The following OPCML variants were observed in gnomAD, a reference collection of about 807,000 sequenced individuals.
OPCML encodes the protein opioid binding protein/cell adhesion molecule like.
Under a neutral mutation model 37.8 loss-of-function variants are expected in OPCML, and 13 were observed. That is an observed-to-expected ratio of 0.34 (90% CI 0.22 to 0.55). The LOEUF (loss-of-function observed/expected upper bound fraction) is 0.55, where lower values mean the gene tolerates loss of function less well. OPCML is among the 20% of genes least tolerant of loss of function. OPCML has a pLI of 0.91. For missense variants in OPCML, 341 were observed against 435.6 expected, an observed-to-expected ratio of 0.78 and a Z score of 1.93; for synonymous variants, 176 against 168.8, an observed-to-expected ratio of 1.04 and a Z score of -0.33.
intron 2 of OPCML, among the ~76,000 whole-genome samples, chr11:132,854,699 A>G (rs1291479065): frequency 6.6e-6 from 1 of 152,262 alleles, no homozygotes. Flanking sequence ...TAATGCGGAT[A>G]TGCCGCATTT....
Position 133,140,931 on chromosome 11 carries a change from CGAAGAA to C in OPCML, c.62-197927_62-197922del, listed in dbSNP as rs1200737192. On this transcript the variant is annotated intron_variant, in intron 1 of 7. Coordinates refer to ENST00000524381, the MANE Select transcript of OPCML (RefSeq NM_001012393.5). ...ACGAAGAAGAAGAAGACGACGACGACGAAGAAGAAGAAGACGACGAAGAAGAAGAAG... is the reference window on the plus strand; with the variant it reads ...ACGAAGAAGAAGAAGACGACGACGACGAAGAAGACGACGAAGAAGAAGAAG... Among the ~76,000 whole-genome samples the C allele has an allele frequency of 4.6e-3, 21 of 4,524 alleles. 7 individuals carry two copies. Among genetic ancestry groups the C allele is most frequent in the African/African-American group, 8.2e-3 (21 of 2,568 alleles). The allele number at this position is 4,524 out of a possible 152,430, so 3.0% of individuals were successfully genotyped here. A position where few individuals can be genotyped will look rare whatever the true frequency, so the allele number is the denominator to read the frequency against.
At chr11:133,102,711 C>T (rs1213560331) in intron 1 of OPCML, among the ~76,000 whole-genome samples, 1 of 152,140 alleles carries the variant, frequency 6.6e-6, no homozygotes, top group East Asian at 1.9e-4. Flanking sequence ...GATCGCCCCA[C>T]TGCACTCCAG....
At chr11:133,011,554 T>C (rs1400448081) in intron 1 of OPCML, among the ~76,000 whole-genome samples, 6 of 152,150 alleles carry the variant, frequency 3.9e-5, no homozygotes, top group African/African-American at 7.2e-5. Context: ...GGAAAAACTT[T>C]CTAAAATTAA....
intron 2 of OPCML, among the ~76,000 whole-genome samples, chr11:132,829,573 TGGTCAGAGA>T (rs1441897609): frequency 6.6e-6 from 1 of 152,168 alleles, no homozygotes; most frequent in African/African-American, 2.4e-5. Context: ...AAAAGCAAAA[TGGTCAGAGA>T]CCTAAGGGCA....
intron 1 of OPCML, among the ~76,000 whole-genome samples, chr11:133,335,365 G>A (rs1241821714): frequency 2.0e-5 from 3 of 152,074 alleles, no homozygotes; most frequent in African/African-American, 4.8e-5. Context: ...TCAGCACTTC[G>A]TACCTGACAA....
chr11:132,667,340 G>T (rs1415352634), intron 2 of OPCML, among the ~76,000 whole-genome samples: 1 of 152,174 alleles, frequency 6.6e-6, no homozygotes, highest in Admixed American at 6.5e-5. Context: ...AAATCCGAGT[G>T]GGGACCATGG....
chr11:132,654,387 C>T (rs932195559), intron 3 of OPCML, among the ~76,000 whole-genome samples: 1 of 151,444 alleles, frequency 6.6e-6, no homozygotes, highest in Non-Finnish European at 1.5e-5. Flanking sequence ...AGAGAAACTC[C>T]TCCCCAAGAG....
At chr11:133,244,434 T>C (rs923228122) in intron 1 of OPCML, among the ~76,000 whole-genome samples, 8 of 152,072 alleles carry the variant, frequency 5.3e-5, no homozygotes, top group African/African-American at 1.9e-4. Flanking sequence ...TGAGTTAACC[T>C]AATAAGGTAG....
intron 3 of OPCML, among the ~76,000 whole-genome samples, chr11:132,629,656 T>TC (rs1477524714): frequency 2.6e-5 from 4 of 152,194 alleles, no homozygotes; most frequent in Non-Finnish European, 5.9e-5. Flanking sequence ...TTTGTTTTTT[T>TC]CCTACTTGGC....
chr11:133,030,453 T>G (rs1228855892), intron 1 of OPCML, among the ~76,000 whole-genome samples: 1 of 152,168 alleles, frequency 6.6e-6, no homozygotes, highest in Non-Finnish European at 1.5e-5. Context: ...GAACCACATA[T>G]TCAAAGTCTT....
intron 1 of OPCML, among the ~76,000 whole-genome samples, chr11:133,055,026 GA>G (rs1948202883): frequency 6.6e-6 from 1 of 150,520 alleles, no homozygotes; most frequent in Non-Finnish European, 1.5e-5. Flanking sequence ...GAGACTCCAT[GA>G]GGGAGCCACC....
At chr11:132,855,041 C>A (rs1253027549) in intron 2 of OPCML, among the ~76,000 whole-genome samples, 1 of 152,132 alleles carries the variant, frequency 6.6e-6, no homozygotes, top group African/African-American at 2.4e-5. Flanking sequence ...TAATAAAAGG[C>A]TATGAGATTA....
intron 1 of OPCML, among the ~76,000 whole-genome samples, chr11:133,209,722 G>A (rs1376902182): frequency 1.3e-5 from 2 of 152,134 alleles, no homozygotes; most frequent in African/African-American, 4.8e-5. Flanking sequence ...TACATGGGTG[G>A]ATGAATGAAT....
intron 1 of OPCML, among the ~76,000 whole-genome samples, chr11:133,466,833 C>G (rs541867341): frequency 1.3e-5 from 2 of 152,086 alleles, no homozygotes; most frequent in Admixed American, 1.3e-4. Context: ...ACAAGACAGG[C>G]GGTATCAAGG....
intron 4 of OPCML, among the ~76,000 whole-genome samples, chr11:132,466,374 C>T (rs924684447): frequency 1.3e-5 from 2 of 150,520 alleles, no homozygotes; most frequent in Non-Finnish European, 3.0e-5. Flanking sequence ...GTCCCAGCTA[C>T]TCAGGAGGCT....
intron 3 of OPCML, among the ~76,000 whole-genome samples, chr11:132,545,845 G>T (rs2096367460): frequency 6.6e-6 from 1 of 152,184 alleles, no homozygotes; most frequent in Non-Finnish European, 1.5e-5. Context: ...AATGTGAGTT[G>T]ATTTCAATAT....
At chr11:132,475,159 C>T (rs1565593502) in intron 4 of OPCML, among the ~76,000 whole-genome samples, 1 of 152,168 alleles carries the variant, frequency 6.6e-6, no homozygotes, top group Non-Finnish European at 1.5e-5. Flanking sequence ...TGAAAGCCCT[C>T]CAAATACATA....
intron 1 of OPCML, among the ~76,000 whole-genome samples, chr11:133,355,740 T>A (rs1251594652): frequency 6.6e-6 from 1 of 152,140 alleles, no homozygotes; most frequent in Non-Finnish European, 1.5e-5. Flanking sequence ...AAAACCAAGA[T>A]GGTAGCTGAT....
chr11:133,014,465 C>T (rs905270385), intron 1 of OPCML, among the ~76,000 whole-genome samples: 3 of 152,088 alleles, frequency 2.0e-5, no homozygotes, highest in African/African-American at 7.2e-5. Context: ...ATGATGTTTC[C>T]ACTACAGGCT....
Sources: allele counts gnomAD v4.1 joint callset (sites outside exome capture counted in the v4.1 genomes callset), GRCh38; gene constraint gnomAD v4.1.1; transcripts MANE v1.5; gene names NCBI Gene and HGNC (gene_info 2026-07-23, HGNC 2026-07-21).